TBC1D14: variants seen among roughly 807,000 people sequenced by gnomAD.
The protein encoded by TBC1D14 is TBC1 domain family, member 14.
Under a neutral mutation model 79.0 loss-of-function variants are expected in TBC1D14, and 26 were observed. The observed-to-expected ratio is 0.33, with a 90% CI of 0.24 to 0.46. TBC1D14 has a LOEUF of 0.46. Ranked by LOEUF, TBC1D14 falls within the 20% of genes least tolerant of loss-of-function variation. The pLI, the probability that TBC1D14 is intolerant of heterozygous loss-of-function variation, is 1.00. For missense variants in TBC1D14, 769 were observed against 887.6 expected (o/e 0.87, Z 1.70); for synonymous variants, 394 against 349.9 (o/e 1.13, Z -1.40).
At chr4:7,000,929 A>G (rs973395624) in intron 6 of TBC1D14, among the ~76,000 whole-genome samples, 5 of 152,164 alleles carry the variant, frequency 3.3e-5, no homozygotes, top group Admixed American at 6.5e-5. Context: ...GACCTACGCT[A>G]TGCTGTGCTC....
At chr4:6,984,310 G>C (rs546580997) in intron 3 of TBC1D14, among the ~76,000 whole-genome samples, 25 of 152,280 alleles carry the variant, frequency 1.6e-4, no homozygotes, top group African/African-American at 6.0e-4. Context: ...GCATGGGGTC[G>C]TGGAGCAGTG....
intron 11 of TBC1D14, among the ~76,000 whole-genome samples, chr4:7,012,734 T>C (rs2109260645): frequency 6.6e-6 from 1 of 152,354 alleles, no homozygotes; most frequent in Non-Finnish European, 1.5e-5. Context: ...TTATAGTTTT[T>C]TGAATGATGG....
intron 4 of TBC1D14, chr4:6,995,559 C>CTGGA (rs1370861139): frequency 1.3e-5 from 2 of 150,954 alleles, no homozygotes; most frequent in Non-Finnish European, 2.9e-5. Context: ...GTTGCCCAGG[C>CTGGA]TGGAGCACAG....
In TBC1D14 at chr4:6,923,562, G is replaced by C. The variant is rs1260773019; in HGVS notation, c.173G>C (p.Arg58Pro). The C allele has an allele frequency of 5.0e-6, 8 of 1,613,970 alleles. No individual in the cohort carries two copies. Among genetic ancestry groups the C allele is most frequent in the Non-Finnish European group, 6.8e-6 (8 of 1,180,026 alleles). The change falls in exon 2 of 14, where the codon CGG becomes CCG. Residue 58 changes from arginine to proline, a missense_variant. By Grantham distance (103) the Arg-to-Pro change is moderately radical. Around this residue, in one of 2 missense-constraint regions of TBC1D14, gnomAD observed 402 missense variants for 393.2 expected, o/e 1.02. Transcript: ENST00000409757. ...CTGAAACTCAGGGCTTTAGAAGACC[G>C]GCACAGCCTCCAGTCCGTGGACTCG... ...PKLKLRALEDRHSLQSVDSGI... is the reference protein window; with the variant it reads ...PKLKLRALEDPHSLQSVDSGI...
intron 2 of TBC1D14, chr4:6,954,300 CAT>C: frequency 1.4e-6 from 1 of 717,534 alleles, no homozygotes. Flanking sequence ...TCACAGTAGA[CAT>C]GATGGCCATC....
At chr4:6,984,082 A>G (rs550679808) in intron 3 of TBC1D14, among the ~76,000 whole-genome samples, 12 of 144,914 alleles carry the variant, frequency 8.3e-5, no homozygotes, top group Non-Finnish European at 1.7e-4. Context: ...CTTTCACAGT[A>G]CTGGGGTGAG....
intron 2 of TBC1D14, among the ~76,000 whole-genome samples, chr4:6,942,286 C>T (rs1219493635): frequency 6.6e-6 from 1 of 152,162 alleles, no homozygotes; most frequent in Non-Finnish European, 1.5e-5. Flanking sequence ...ACACATCTTA[C>T]TAGATTGCCA....
chr4:6,971,371 G>A (rs1046585084), intron 3 of TBC1D14, among the ~76,000 whole-genome samples: 3 of 152,324 alleles, frequency 2.0e-5, no homozygotes, highest in East Asian at 3.9e-4. Context: ...CAATAGGTCC[G>A]ATTTGTGGTG....
intron 13 of TBC1D14, among the ~76,000 whole-genome samples, chr4:7,025,711 T>G (rs1253738081): frequency 1.3e-5 from 2 of 152,222 alleles, no homozygotes; most frequent in African/African-American, 4.8e-5. Flanking sequence ...ACCCCCCTCT[T>G]ACAACAAAGG....
At position 6,967,549 on chromosome 4, in the gene TBC1D14, G is replaced by A. The variant is rs565841698; in HGVS notation, c.843+125G>A. On this transcript the variant is annotated intron_variant, in intron 3 of 13. Transcript: ENST00000409757. Reference sequence around the variant, plus strand: ...TCGCTTTGTATTATCTGCATACCACGTTCCTCAGATTTAAGTCTGTATTCA... The same window carrying A: ...TCGCTTTGTATTATCTGCATACCACATTCCTCAGATTTAAGTCTGTATTCA... 2.7e-4 allele frequency: 343 copies of A among 1,248,268 alleles called. 1 individual carries two copies. Among genetic ancestry groups the A allele is most frequent in the Middle Eastern group, 6.0e-4 (3 of 5,018 alleles). 77.3% of individuals were successfully genotyped at this position (1,248,268 alleles called of 1,614,324 possible).
intron 2 of TBC1D14, among the ~76,000 whole-genome samples, chr4:6,944,783 ACACAGCGTCACTGGTTCCCAG>A (rs1577067855): frequency 6.6e-6 from 1 of 152,316 alleles, no homozygotes; most frequent in South Asian, 2.1e-4. Flanking sequence ...GACTGGCTGG[ACACAGCGTCACTGGTTCCCAG>A]CACAGCTGAC....
chr4:6,933,008 C>T (rs890528229), intron 2 of TBC1D14, among the ~76,000 whole-genome samples: 1 of 151,924 alleles, frequency 6.6e-6, no homozygotes, highest in South Asian at 2.1e-4. Flanking sequence ...TGGCAGAGCT[C>T]GTTGTGGCTA....
rs1721546888 is a variant in TBC1D14, at chr4:7,018,973, T to C, written c.1757+4416T>C. On this transcript the variant is annotated intron_variant, in intron 12 of 13. Coordinates refer to ENST00000409757, the MANE Select transcript of TBC1D14 (RefSeq NM_020773.3). ...GTTATGGTTAGCGTTTCTGAAATTATGTTTAATGATCCTTGGAGATGCTGT... is the reference window on the plus strand; with the variant it reads ...GTTATGGTTAGCGTTTCTGAAATTACGTTTAATGATCCTTGGAGATGCTGT... 2.0e-5 allele frequency among the ~76,000 whole-genome samples: 3 copies of C among 152,248 alleles called. No individual in the cohort carries two copies. The South Asian group carries it at 6.2e-4, about 31-fold the overall frequency.
At chr4:6,954,269 C>T (rs747916201) in intron 2 of TBC1D14, 3 of 717,292 alleles carry the variant, frequency 4.2e-6, no homozygotes, top group Non-Finnish European at 7.8e-6. Flanking sequence ...CTTCTGCAGC[C>T]GGCCCCTCGG....
intron 2 of TBC1D14, among the ~76,000 whole-genome samples, chr4:6,965,601 G>C (rs926942305): frequency 1.3e-5 from 2 of 152,118 alleles, no homozygotes; most frequent in Non-Finnish European, 2.9e-5. Context: ...CAGACTGGTG[G>C]TGTAATCATA....
intron 2 of TBC1D14, among the ~76,000 whole-genome samples, chr4:6,958,087 T>C (rs1163298348): frequency 1.3e-5 from 2 of 152,162 alleles, no homozygotes; most frequent in African/African-American, 4.8e-5. Flanking sequence ...TCCCAGGTTC[T>C]CAGCTCCCCA....
intron 3 of TBC1D14, among the ~76,000 whole-genome samples, chr4:6,981,907 C>G (rs1031761720): frequency 2.6e-5 from 4 of 152,202 alleles, no homozygotes; most frequent in Non-Finnish European, 5.9e-5. Context: ...ACAGCTACAG[C>G]TAACATGCTT....
At chr4:7,021,135 G>C (rs1453118481) in intron 12 of TBC1D14, among the ~76,000 whole-genome samples, 1 of 152,176 alleles carries the variant, frequency 6.6e-6, no homozygotes, top group Non-Finnish European at 1.5e-5. Flanking sequence ...GCTCAGACAA[G>C]CAGGCGGAAC....
chr4:6,948,665 ATTTTTC>A (rs1286453031), intron 2 of TBC1D14, among the ~76,000 whole-genome samples: 2 of 135,656 alleles, frequency 1.5e-5, no homozygotes, highest in Non-Finnish European at 1.6e-5. Context: ...TTGTCAGTTT[ATTTTTC>A]TTTTTGTCAT....
Sources: allele counts gnomAD v4.1 joint callset (sites outside exome capture counted in the v4.1 genomes callset), GRCh38; gene constraint gnomAD v4.1.1; regional missense constraint gnomAD v4.1.1; transcripts MANE v1.5; gene names NCBI Gene and HGNC (gene_info 2026-07-23, HGNC 2026-07-21).